Variants in MPDZ observed in about 807,000 individuals in gnomAD.
The protein encoded by MPDZ is multiple PDZ domain crumbs cell polarity complex component, also known as multiple PDZ domain protein.
In MPDZ, 234 loss-of-function variants were observed where a neutral mutation model predicts 239.1. That is an observed-to-expected ratio of 0.98 (90% CI 0.88 to 1.09). MPDZ has a LOEUF of 1.09. Ranked by LOEUF, MPDZ falls within the 50% of genes least tolerant of loss-of-function variation. The pLI is 0.00. For missense variants in MPDZ, 3,175 were observed against 2,510.0 expected (o/e 1.26, Z -5.66); for synonymous variants, 1,048 against 881.3 (o/e 1.19, Z -3.35).
Position 13,126,716 on chromosome 9 carries a change from G to C in MPDZ, c.4521C>G (p.Ile1507Met), listed in dbSNP as rs1426030898. 2 of 1,613,734 alleles carry C rather than the reference G, an allele frequency of 1.2e-6. No individual in the cohort carries two copies. Among genetic ancestry groups the C allele is most frequent in the Non-Finnish European group, 8.5e-7 (1 of 1,179,820 alleles). Residue 1507 changes from isoleucine to methionine, a missense_variant, in exon 33 of 47, where the codon ATC becomes ATG. Coordinates refer to ENST00000319217, the MANE Select transcript of MPDZ (RefSeq NM_001378778.1). ...ISEEDTLSGV[I>M]IKSLTEHGVA... ...CCCCATGCTCTGTTAAGCTCTTTATGATGACTCCACTGAGTGTATCTTCTT... is the reference window on the plus strand; with the variant it reads ...CCCCATGCTCTGTTAAGCTCTTTATCATGACTCCACTGAGTGTATCTTCTT...
chr9:13,138,011 T>C lies in MPDZ; in HGVS notation c.4146A>G (p.Pro1382=), dbSNP rs762053312. 5.0e-6 allele frequency: 8 copies of C among 1,613,904 alleles called. No homozygotes were observed. The highest frequency in any genetic ancestry group is 3.3e-5 in the Admixed American group (2 of 60,024). The change falls in exon 29 of 47, where the codon CCA becomes CCG. Residue 1382 remains proline (P), a synonymous_variant. Transcript: ENST00000319217. ...GACCATCTTTTCCTGCAGCTCCATT[T>C]GGATCAATCCCCACTATGAAGACAC... is the stretch of plus-strand genomic sequence containing the variant. ...RMSVFIVGID[P]NGAAGKDGRL...
Position 13,154,889 on chromosome 9 carries a change from A to G in MPDZ, c.3452+3129T>C, listed in dbSNP as rs1428958467. 5.3e-5 allele frequency among the ~76,000 whole-genome samples: 8 copies of G among 152,144 alleles called. No homozygotes were observed. The East Asian group carries it at 1.5e-3, about 29-fold the overall frequency. The stretch of plus-strand genomic sequence containing the variant: ...ATGATGTGGTAACAAGAATGTGGGG[A>G]AAAGGGAACATTCATATATTGGAAA... On this transcript the variant is annotated intron_variant, in intron 24 of 46. Transcript: ENST00000319217.
At chr9:13,129,601 A>G (rs1183478035) in intron 32 of MPDZ, among the ~76,000 whole-genome samples, 1 of 152,210 alleles carries the variant, frequency 6.6e-6, no homozygotes, top group Non-Finnish European at 1.5e-5. Context: ...TACTTTTACC[A>G]GAGTGCATAT....
rs139298348 is a variant in MPDZ, at chr9:13,166,553, G to A, written c.3254+1813C>T. Among the ~76,000 whole-genome samples the A allele has an allele frequency of 7.9e-5, 12 of 152,172 alleles. No homozygotes were observed. In the East Asian group the frequency reaches 1.5e-3, roughly 20 times the overall value. ...TGTCTGCATGTGTGTTTACATACAC[G>A]AGAGAGAGACTCACTGACTGAATGA... On this transcript the variant is annotated intron_variant, in intron 22 of 46. Transcript: ENST00000319217.
Position 13,122,166 on chromosome 9 carries a change from G to T in MPDZ, c.4958C>A (p.Ala1653Asp), listed in dbSNP as rs750097985. Residue 1653 changes from alanine to aspartate, a missense_variant, in exon 37 of 47, where the codon GCC becomes GAC. Ala to Asp is a moderately radical substitution (Grantham distance 126, BLOSUM62 -2). Transcript: ENST00000319217. ...TTCATAAACTTCATGGATAATAATGGCACCCTAAGGGCCCAAACAAAACAT... is the reference window on the plus strand; with the variant it reads ...TTCATAAACTTCATGGATAATAATGTCACCCTAAGGGCCCAAACAAAACAT... ...IVGGSDTLLGAIIIHEVYEEG... is the reference protein window; with the variant it reads ...IVGGSDTLLGDIIIHEVYEEG... 3 of 1,613,650 alleles carry T rather than the reference G, an allele frequency of 1.9e-6. No homozygotes were observed. The highest frequency in any genetic ancestry group is 2.5e-6 in the Non-Finnish European group (3 of 1,179,778).
At chr9:13,130,504 G>C (rs540156702) in intron 32 of MPDZ, among the ~76,000 whole-genome samples, 144 of 152,258 alleles carry the variant, frequency 9.5e-4, no homozygotes, top group Non-Finnish European at 1.7e-3. Context: ...AAAAAAGTGA[G>C]AATTTCTTCT....
chr9:13,160,864 A>ATATATATATATATG, intron 23 of MPDZ, among the ~76,000 whole-genome samples: 2 of 127,738 alleles, frequency 1.6e-5, no homozygotes, highest in Non-Finnish European at 3.3e-5. Flanking sequence ...ATATATATAT[A>ATATATATATATATG]TATATAAAAC....
intron 8 of MPDZ, among the ~76,000 whole-genome samples, chr9:13,219,349 T>C (rs1473030795): frequency 6.6e-6 from 1 of 152,050 alleles, no homozygotes; most frequent in African/African-American, 2.4e-5. Flanking sequence ...TAATCTAGCA[T>C]GTTTAAGCAA....
intron 13 of MPDZ, 33 bp downstream of exon 13, chr9:13,196,088 A>C (rs1955610561): frequency 1.4e-6 from 2 of 1,412,814 alleles, no homozygotes; most frequent in Non-Finnish European, 2.0e-6. Flanking sequence ...TACAGTTACA[A>C]GTTAGAAAAT....
At chr9:13,260,339 G>C (rs770813449) in intron 1 of MPDZ, among the ~76,000 whole-genome samples, 1 of 152,140 alleles carries the variant, frequency 6.6e-6, no homozygotes, top group African/African-American at 2.4e-5. Flanking sequence ...GTTAAGAGAT[G>C]TAAGTACTGT....
chr9:13,253,779 T>C (rs1184917830), intron 1 of MPDZ, among the ~76,000 whole-genome samples: 1 of 152,080 alleles, frequency 6.6e-6, no homozygotes, highest in African/African-American at 2.4e-5. Context: ...GAGCTATGGA[T>C]ATGGTAAGAA....
At chr9:13,188,031 T>C (rs1339451853) in intron 17 of MPDZ, among the ~76,000 whole-genome samples, 2 of 152,178 alleles carry the variant, frequency 1.3e-5, no homozygotes, top group African/African-American at 2.4e-5. Context: ...AGCAAATGTG[T>C]TGAAGTCAAC....
At position 13,122,255 on chromosome 9, in the gene MPDZ, T is replaced by C. The variant is rs1299488242; in HGVS notation, c.4954-85A>G. The C allele has an allele frequency of 8.5e-6, 10 of 1,182,964 alleles. No homozygotes were observed. The East Asian group carries it at 1.2e-4, about 14-fold the overall frequency. 73.3% of individuals were successfully genotyped at this position (1,182,964 alleles called of 1,614,324 possible). On this transcript the variant is annotated intron_variant, in intron 36 of 46. Coordinates refer to ENST00000319217, the MANE Select transcript of MPDZ (RefSeq NM_001378778.1). ...AAATGGAGTCCAAACACATTATACT[T>C]TGATAGACAGCAATAAGGGTTATAA...
At chr9:13,128,353 C>G (rs901106465) in intron 32 of MPDZ, among the ~76,000 whole-genome samples, 3 of 152,194 alleles carry the variant, frequency 2.0e-5, no homozygotes, top group African/African-American at 7.2e-5. Context: ...TGCCATTGTC[C>G]TAAGAAAATT....
chr9:13,148,950 C>T (rs564409912), intron 25 of MPDZ, among the ~76,000 whole-genome samples: 14 of 151,316 alleles, frequency 9.3e-5, no homozygotes, highest in African/African-American at 3.2e-4. Context: ...ATTTAAACAA[C>T]ATTTGAGAGC....
chr9:13,165,427 G>A (rs775755390), intron 22 of MPDZ: 27 of 1,548,120 alleles, frequency 1.7e-5, no homozygotes, highest in South Asian at 1.4e-4. Context: ...TGAAGCATAC[G>A]CCGCGGCATC....
intron 12 of MPDZ, among the ~76,000 whole-genome samples, chr9:13,203,223 AAC>A (rs1415441009): frequency 6.6e-6 from 1 of 152,190 alleles, no homozygotes; most frequent in African/African-American, 2.4e-5. Flanking sequence ...TGCAAGGATG[AAC>A]ACAGACTACA....
chr9:13,150,056 T>C (rs1948952105), intron 25 of MPDZ, among the ~76,000 whole-genome samples: 1 of 152,136 alleles, frequency 6.6e-6, no homozygotes, highest in Admixed American at 6.6e-5. Flanking sequence ...TCTCATTAAC[T>C]TAATTATATC....
chr9:13,187,554 T>A (rs147871185), intron 17 of MPDZ, among the ~76,000 whole-genome samples: 109 of 152,302 alleles, frequency 7.2e-4, no homozygotes, highest in African/African-American at 2.5e-3. Flanking sequence ...TATTCTTCAA[T>A]CATCCTGCCC....
Sources: gnomAD v4.1 joint callset for allele counts (sites outside exome capture counted in the v4.1 genomes callset) on GRCh38, gnomAD v4.1.1 for gene constraint, MANE v1.5 for transcripts, NCBI Gene and HGNC (gene_info 2026-07-23, HGNC 2026-07-21) for gene names.